Variants in ANO5 observed in about 807,000 individuals in gnomAD.
The protein encoded by ANO5 is anoctamin 5, also known as anoctamin-5.
ANO5 carries 109 observed loss-of-function variants against 121.0 expected under a neutral mutation model. The observed-to-expected ratio is 0.90, with a 90% CI of 0.77 to 1.06. The LOEUF is 1.06. Ranked by LOEUF, ANO5 falls within the 50% of genes least tolerant of loss-of-function variation. The pLI is 0.00. For missense variants in ANO5, 1,064 were observed against 1,078.5 expected (o/e 0.99, Z 0.19); for synonymous variants, 406 against 359.9 (o/e 1.13, Z -1.45).
intron 4 of ANO5, 77 bp from the exon 5 acceptor site, chr11:22,221,020 T>C: frequency 9.4e-7 from 1 of 1,060,056 alleles, no homozygotes; most frequent in Non-Finnish European, 1.4e-6. Flanking sequence ...GACTAAATTA[T>C]AAATAATTCC....
Position 22,279,860 on chromosome 11 carries a change from C to T in ANO5, c.*95C>T. 1 of 1,006,266 alleles carries T rather than the reference C, an allele frequency of 9.9e-7. No individual in the cohort carries two copies. The highest frequency in any genetic ancestry group is 1.4e-6 in the Non-Finnish European group (1 of 730,216). The allele number at this position is 1,006,266 out of a possible 1,614,324, so 62.3% of individuals were successfully genotyped here. On this transcript the variant is annotated 3_prime_UTR_variant, in exon 22 of 22. Coordinates refer to ENST00000324559, the MANE Select transcript of ANO5 (RefSeq NM_213599.3). ...CCAGAAGCCATGTGTCAATTTTACC[C>T]TTTCTTTTTTTTTTTTTTCTTTTTT...
At chr11:22,233,842 C>T (rs373076265) in intron 7 of ANO5, among the ~76,000 whole-genome samples, 40 of 152,216 alleles carry the variant, frequency 2.6e-4, no homozygotes, top group African/African-American at 9.4e-4. Flanking sequence ...AGAATGTCAA[C>T]AAGCGAAATT....
intron 6 of ANO5, 127 bp from the exon 7 acceptor site, chr11:22,227,175 A>C (rs1483494592): frequency 1.5e-6 from 2 of 1,343,990 alleles, no homozygotes; most frequent in African/African-American, 3.0e-5. Flanking sequence ...TTTGCCTGAA[A>C]ATTTCAAAAT....
intron 1 of ANO5, among the ~76,000 whole-genome samples, chr11:22,200,943 C>A (rs1851947181): frequency 1.3e-5 from 2 of 152,046 alleles, no homozygotes; most frequent in Non-Finnish European, 2.9e-5. Flanking sequence ...TCAGTATCCA[C>A]AGGCATTGGT....
chr11:22,213,535 T>G (rs954628733), intron 3 of ANO5, among the ~76,000 whole-genome samples: 1 of 151,972 alleles, frequency 6.6e-6, no homozygotes, highest in African/African-American at 2.4e-5. Context: ...GTATATTCTA[T>G]CAACATGACT....
intron 4 of ANO5, 151 bp downstream of exon 4, chr11:22,218,438 T>C: frequency 2.0e-6 from 2 of 1,022,250 alleles, no homozygotes; most frequent in Non-Finnish European, 3.0e-6. Context: ...TAGTGATTCT[T>C]AATTTGTTCT....
intron 3 of ANO5, among the ~76,000 whole-genome samples, chr11:22,217,438 A>T (rs1378488118): frequency 6.9e-6 from 1 of 145,530 alleles, no homozygotes; most frequent in Non-Finnish European, 1.5e-5. Context: ...TCATTAAATT[A>T]AAAAAAAAAC....
In ANO5 at chr11:22,203,787, T is replaced by C. The variant is rs772523184; in HGVS notation, c.41-17T>C. On this transcript the variant is annotated splice_polypyrimidine_tract_variant and intron_variant, in intron 1 of 21. Coordinates refer to ENST00000324559, the MANE Select transcript of ANO5 (RefSeq NM_213599.3). ...GTGGCTAATTTAACATGTTTTTCTC[T>C]TTCTTATTTAATTTAGGGGAAAAAG... is the stretch of plus-strand genomic sequence containing the variant. The C allele has an allele frequency of 7.0e-7, 1 of 1,433,740 alleles. No homozygotes were observed. The highest frequency in any genetic ancestry group is 1.2e-5 in the South Asian group (1 of 86,420). The allele number at this position is 1,433,740 out of a possible 1,614,324, so 88.8% of individuals were successfully genotyped here.
At chr11:22,223,790 G>T (rs1348305084) in intron 5 of ANO5, among the ~76,000 whole-genome samples, 1 of 151,934 alleles carries the variant, frequency 6.6e-6, no homozygotes, top group Non-Finnish European at 1.5e-5. Context: ...TTTCTTCCAT[G>T]AATAACTAGG....
intron 9 of ANO5, among the ~76,000 whole-genome samples, chr11:22,250,001 T>G (rs1361346873): frequency 2.0e-5 from 3 of 152,162 alleles, no homozygotes; most frequent in African/African-American, 7.2e-5. Flanking sequence ...CTTATATCTG[T>G]TATCCCTTTT....
chr11:22,209,086 A>C (rs886635125), intron 2 of ANO5, among the ~76,000 whole-genome samples: 3 of 152,018 alleles, frequency 2.0e-5, no homozygotes, highest in Non-Finnish European at 4.4e-5. Context: ...ACAAGACAGA[A>C]GTATAAGAAT....
intron 7 of ANO5, among the ~76,000 whole-genome samples, chr11:22,229,016 A>T (rs1201424184): frequency 4.0e-5 from 6 of 151,854 alleles, no homozygotes; most frequent in Non-Finnish European, 7.4e-5. Flanking sequence ...TTGCTGGATT[A>T]TGTGGTAGCT....
At chr11:22,262,025 A>G in intron 15 of ANO5, 104 bp from the exon 16 acceptor site, 1 of 1,103,750 alleles carries the variant, frequency 9.1e-7, no homozygotes, top group Non-Finnish European at 1.3e-6. Context: ...AGCATTCTAT[A>G]GGCTCCCAGA....
chr11:22,275,944 A>G, intron 20 of ANO5, 150 bp from the exon 21 acceptor site: 1 of 617,696 alleles, frequency 1.6e-6, no homozygotes, highest in Non-Finnish European at 2.9e-6. Context: ...CAAGAAAGAT[A>G]AATGTTTCAT....
Position 22,211,423 on chromosome 11 carries a change from A to T in ANO5, c.138+109A>T. 5 of 1,260,484 alleles carry T rather than the reference A, an allele frequency of 4.0e-6. No homozygotes were observed. In the South Asian group the frequency reaches 6.0e-5, roughly 15 times the overall value. The allele number at this position is 1,260,484 out of a possible 1,614,324, so 78.1% of individuals were successfully genotyped here. On this transcript the variant is annotated intron_variant, in intron 3 of 21. Coordinates refer to ENST00000324559, the MANE Select transcript of ANO5 (RefSeq NM_213599.3). ...CAGTTCAGTTATTTGACATGCTCTCATACATGGTATTTGAGAATATATTAC... is the reference window on the plus strand; with the variant it reads ...CAGTTCAGTTATTTGACATGCTCTCTTACATGGTATTTGAGAATATATTAC...
At chr11:22,221,273 A>T in intron 5 of ANO5, 63 bp downstream of exon 5, 2 of 1,324,928 alleles carry the variant, frequency 1.5e-6, no homozygotes, top group Non-Finnish European at 2.1e-6. Context: ...TTTCACATGG[A>T]TATCTGGATT....
chr11:22,224,664 A>C (rs1590241708), intron 5 of ANO5, among the ~76,000 whole-genome samples: 2 of 152,240 alleles, frequency 1.3e-5, no homozygotes, highest in Admixed American at 1.3e-4. Context: ...ACATTGGTGC[A>C]GACAGACTTC....
chr11:22,227,362 A>T lies in ANO5; in HGVS notation c.424A>T (p.Thr142Ser), dbSNP rs757367942. 2.4e-5 allele frequency: 38 copies of T among 1,613,328 alleles called. No individual in the cohort carries two copies. The highest frequency in any genetic ancestry group is 3.1e-5 in the Non-Finnish European group (36 of 1,179,732). Residue 142 changes from threonine to serine, a missense_variant, in exon 7 of 22, where the codon ACC (threonine) becomes TCC (serine). By Grantham distance (58) the Thr-to-Ser change is moderately conservative (BLOSUM62 1). Coordinates refer to ENST00000324559, the MANE Select transcript of ANO5 (RefSeq NM_213599.3). The stretch of plus-strand genomic sequence containing the variant: ...CCATGCCCCTTGGGAGGTATTAGTT[A>T]CCTATGCTGAAGTCTTGGGAATCAA... Reference protein sequence around the residue: ...KIHAPWEVLVTYAEVLGIKMP... With the variant: ...KIHAPWEVLVSYAEVLGIKMP...
At position 22,250,806 on chromosome 11, in the gene ANO5, G is replaced by A; in HGVS notation, c.1079G>A (p.Cys360Tyr). 6.2e-7 allele frequency: 1 copy of A among 1,614,026 alleles called. No homozygotes were observed. The highest frequency in any genetic ancestry group is 8.5e-7 in the Non-Finnish European group (1 of 1,179,938). The change falls in exon 11 of 22, where the codon TGT (cysteine) becomes TAT (tyrosine). Residue 360 changes from cysteine (C) to tyrosine (Y), a missense_variant. Transcript: ENST00000324559. The stretch of plus-strand genomic sequence containing the variant: ...ATGTGCCCACTCTGTGATCAAGTGT[G>A]TGATTATTGGAGACTAAATAGTACG... ...MIMCPLCDQV[C>Y]DYWRLNSTCL...
Sources: gnomAD v4.1 joint callset for allele counts (sites outside exome capture counted in the v4.1 genomes callset) on GRCh38, gnomAD v4.1.1 for gene constraint, MANE v1.5 for transcripts, NCBI Gene and HGNC (gene_info 2026-07-23, HGNC 2026-07-21) for gene names.